Variants in DDX54 observed in about 807,000 individuals in gnomAD.
The protein encoded by DDX54 is DEAD-box helicase 54.
A neutral mutation model predicts 105.5 loss-of-function variants in DDX54; 67 were observed. That is an observed-to-expected ratio of 0.64 (90% CI 0.52 to 0.78). The LOEUF (loss-of-function observed/expected upper bound fraction) is 0.78, where lower values mean the gene tolerates loss of function less well. Among genes scored for constraint, DDX54 ranks in the 30% least tolerant of loss-of-function variants. The pLI, the probability that DDX54 is intolerant of heterozygous loss-of-function variation, is 0.00. For missense variants in DDX54, 1,206 were observed against 1,230.5 expected, an observed-to-expected ratio of 0.98 and a Z score of 0.30; for synonymous variants, 514 against 509.9, an observed-to-expected ratio of 1.01 and a Z score of -0.11.
intron 11 of DDX54, 44 bp from the exon 12 acceptor site, chr12:113,169,948 C>G (rs778468946): frequency 1.2e-6 from 2 of 1,607,560 alleles, no homozygotes; most frequent in Non-Finnish European, 1.7e-6. Flanking sequence ...AAAGAAGGAC[C>G]CGGACCCAGC....
chr12:113,166,166 C>A, intron 12 of DDX54, 134 bp from the exon 13 acceptor site: 1 of 851,596 alleles, frequency 1.2e-6, no homozygotes. Context: ...CTGCAAAGAA[C>A]ACCAGCACTC....
chr12:113,184,078 C>T (rs749159311), intron 1 of DDX54, among the ~76,000 whole-genome samples: 14 of 152,184 alleles, frequency 9.2e-5, no homozygotes, highest in Non-Finnish European at 1.9e-4. Context: ...TCCCGAGTAG[C>T]TGGGATTACA....
In DDX54 at chr12:113,159,000, G is replaced by C. The variant is rs371409328; in HGVS notation, c.2523C>G (p.Phe841Leu). ...KQRRRAQKLH[F>L]LQRGGLKQLS... ...GCTGCTTGAGGCCACCACGCTGCAG[G>C]AAGTGCAGCTTCTGGGCCCGGCGCC... Residue 841 changes from phenylalanine (F) to leucine (L), a missense_variant, in exon 20 of 20, where the codon TTC (phenylalanine) becomes TTG (leucine). Around this residue, in one of 3 missense-constraint regions of DDX54, gnomAD observed 961 missense variants for 1,019.1 expected, o/e 0.94. Transcript: ENST00000306014. The surrounding 1 kb of genome is among the most constrained non-coding windows in gnomAD (Gnocchi z 4.9). 4 of 1,611,716 alleles carry C rather than the reference G, an allele frequency of 2.5e-6. No individual in the cohort carries two copies. The highest frequency in any genetic ancestry group is 3.4e-6 in the Non-Finnish European group (4 of 1,179,370).
chr12:113,157,741 A>G lies in DDX54; in HGVS notation c.*1136T>C. 7.4e-7 allele frequency: 1 copy of G among 1,342,652 alleles called. No individual in the cohort carries two copies. Among genetic ancestry groups the G allele is most frequent in the Non-Finnish European group, 1.0e-6 (1 of 960,744 alleles). 83.2% of individuals were successfully genotyped at this position (1,342,652 alleles called of 1,614,324 possible). A position where few individuals can be genotyped will look rare whatever the true frequency, so the allele number is the denominator to read the frequency against. On this transcript the variant is annotated 3_prime_UTR_variant, in exon 20 of 20. Transcript: ENST00000306014. The stretch of plus-strand genomic sequence containing the variant: ...GAGAGACCCTGAGATAGGAGGGCCC[A>G]CATTTCCAATGGGGTGTGGACTGAG...
At chr12:113,176,177 CAG>C in intron 7 of DDX54, among the ~76,000 whole-genome samples, 1 of 152,334 alleles carries the variant, frequency 6.6e-6, no homozygotes, top group South Asian at 2.1e-4. Context: ...CCCAAATTCA[CAG>C]AGCTGAAGTC....
At position 113,163,640 on chromosome 12, in the gene DDX54, G is replaced by A. The variant is rs1191194906; in HGVS notation, c.1939-366C>T. On this transcript the variant is annotated intron_variant, in intron 15 of 19. Transcript: ENST00000306014. This position sits in a 1 kb window ranked among gnomAD's most constrained non-coding sequence, Gnocchi z 5.9. ...CTCTGAACAACATGGACTAGGCCAG[G>A]GGTCTCCAACTGGTCTTCTTGGCTA... is the stretch of plus-strand genomic sequence containing the variant. 6.6e-6 allele frequency among the ~76,000 whole-genome samples: 1 copy of A among 152,132 alleles called. No individual in the cohort carries two copies. Among genetic ancestry groups the A allele is most frequent in the African/African-American group, 2.4e-5 (1 of 41,424 alleles).
At chr12:113,179,753 G>A (rs1470746479) in intron 3 of DDX54, among the ~76,000 whole-genome samples, 182 bp downstream of exon 3, 4 of 152,232 alleles carry the variant, frequency 2.6e-5, no homozygotes, top group Admixed American at 2.6e-4. Context: ...AAGGCCCAGA[G>A]TCTCTGCTCG....
chr12:113,177,208 C>T (rs1372445289), intron 5 of DDX54, 115 bp from the exon 6 acceptor site: 1 of 1,287,208 alleles, frequency 7.8e-7, no homozygotes, highest in Non-Finnish European at 1.1e-6. Context: ...AGACCCAAGG[C>T]TTGGAACTGA....
Position 113,165,847 on chromosome 12 carries a change from C to T in DDX54, c.1600G>A (p.Ala534Thr). ...AGCCCCACAAGGTCCATCTCCTTGG[C>T]CCTCTTGATGGACTCAGGCGAGGGC... ...PAPSPESIKR[A>T]KEMDLVGLGL... The change falls in exon 13 of 20, where the codon GCC becomes ACC. Residue 534 changes from alanine (A) to threonine (T), a missense_variant. By Grantham distance (58) the Ala-to-Thr change is moderately conservative (BLOSUM62 0). Transcript: ENST00000306014. The T allele has an allele frequency of 6.2e-7, 1 of 1,612,048 alleles. No homozygotes were observed. The highest frequency in any genetic ancestry group is 8.5e-7 in the Non-Finnish European group (1 of 1,178,998).
intron 5 of DDX54, 75 bp from the exon 6 acceptor site, chr12:113,177,168 C>G: frequency 6.5e-7 from 1 of 1,544,044 alleles, no homozygotes; most frequent in Non-Finnish European, 8.9e-7. Flanking sequence ...AATGTCCAGG[C>G]AAGGCTGCAC....
Position 113,172,773 on chromosome 12 carries a change from T to A in DDX54, c.1069-210A>T, listed in dbSNP as rs2305904. On this transcript the variant is annotated intron_variant, in intron 10 of 19. Coordinates refer to ENST00000306014, the MANE Select transcript of DDX54 (RefSeq NM_024072.4). ...CAACACCTCCCACCTCTCTGCAGGG[T>A]TGTCTGAGGATCAGAGATGATGTGT... 0.029 allele frequency among the ~76,000 whole-genome samples: 4,340 copies of A among 152,210 alleles called. 122 individuals carry two copies. Among genetic ancestry groups the A allele is most frequent in the African/African-American group, 0.07 (2,923 of 41,522 alleles).
chr12:113,160,389 C>T lies in DDX54; in HGVS notation c.2413+881G>A, dbSNP rs560510143. 2.0e-5 allele frequency among the ~76,000 whole-genome samples: 3 copies of T among 152,304 alleles called. No individual in the cohort carries two copies. The South Asian group carries it at 6.2e-4, about 32-fold the overall frequency. On this transcript the variant is annotated intron_variant, in intron 19 of 19. Transcript: ENST00000306014. Reference sequence around the variant, plus strand: ...TGGGAGCCTTGGGCAGCTGGGTGACCCAGGTTCAGTCATAGCCCTCATAAG... The same window carrying T: ...TGGGAGCCTTGGGCAGCTGGGTGACTCAGGTTCAGTCATAGCCCTCATAAG...
Position 113,185,447 on chromosome 12 carries a change from G to T in DDX54, c.5C>A (p.Ala2Glu). M[A>E]ADKGPAAGPR... ...TCCAGCCGCCGGGCCCTTGTCGGCC[G>T]CCATTCGGGCCGCGCGCTGGGAACG... is the stretch of plus-strand genomic sequence containing the variant. Residue 2 changes from alanine (A) to glutamate (E), a missense_variant, in exon 1 of 20, where the codon GCG (alanine) becomes GAG (glutamate). Around this residue, in one of 3 missense-constraint regions of DDX54, gnomAD observed 212 missense variants for 155.4 expected, o/e 1.36. Coordinates refer to ENST00000306014, the MANE Select transcript of DDX54 (RefSeq NM_024072.4). 2 of 1,500,882 alleles carry T rather than the reference G, an allele frequency of 1.3e-6. No individual in the cohort carries two copies. The highest frequency in any genetic ancestry group is 1.8e-6 in the Non-Finnish European group (2 of 1,128,596). The allele number at this position is 1,500,882 out of a possible 1,614,324, so 93.0% of individuals were successfully genotyped here. A position where few individuals can be genotyped will look rare whatever the true frequency, so the allele number is the denominator to read the frequency against.
At position 113,166,711 on chromosome 12, in the gene DDX54, C is replaced by CAA. The variant is rs201136992; in HGVS notation, c.1415-681_1415-680dup. 2.1e-4 allele frequency among the ~76,000 whole-genome samples: 31 copies of CAA among 151,118 alleles called. No homozygotes were observed. In the South Asian group the frequency reaches 6.5e-3, roughly 32 times the overall value. On this transcript the variant is annotated intron_variant, in intron 12 of 19. Coordinates refer to ENST00000306014, the MANE Select transcript of DDX54 (RefSeq NM_024072.4). ...AACAAGACTTTGTCTCTCTTAAAAA[C>CAA]AAAAAAACAAAAACAAAAAACAAAC...
In DDX54 at chr12:113,172,410, C is replaced by T. The variant is rs533114649; in HGVS notation, c.1222G>A (p.Asp408Asn). The change falls in exon 11 of 20, where the codon GAC becomes AAC. Residue 408 changes from aspartate to asparagine, a missense_variant. Physicochemically the swap from Asp to Asn is conservative, Grantham distance 23. Coordinates refer to ENST00000306014, the MANE Select transcript of DDX54 (RefSeq NM_024072.4). The part of the protein sequence containing the change: ...AARGLDIPLL[D>N]NVINYSFPAK... ...GGGAAGCTGTAGTTGATGACATTGT[C>T]CAGCAGCGGGATGTCCAGGCCTCGG... is the stretch of plus-strand genomic sequence containing the variant. The T allele has an allele frequency of 2.5e-6, 4 of 1,614,234 alleles. No homozygotes were observed. In the African/African-American group the frequency reaches 4.0e-5, roughly 16 times the overall value.
chr12:113,162,798 G>A (rs1952224339), intron 17 of DDX54, 134 bp downstream of exon 17: 5 of 815,512 alleles, frequency 6.1e-6, no homozygotes, highest in Non-Finnish European at 9.3e-6. Context: ...GGCATGGAGG[G>A]GCGGCTCACT....
At chr12:113,184,508 C>T (rs1238484474) in intron 1 of DDX54, among the ~76,000 whole-genome samples, 1 of 152,224 alleles carries the variant, frequency 6.6e-6, no homozygotes, top group East Asian at 1.9e-4. Flanking sequence ...CAGCTCTTAG[C>T]ATGGAGCCTG....
intron 10 of DDX54, among the ~76,000 whole-genome samples, chr12:113,173,425 G>A (rs891443245): frequency 2.6e-5 from 4 of 152,194 alleles, no homozygotes; most frequent in Non-Finnish European, 4.4e-5. Context: ...TGCACAGAGG[G>A]AGTGTTGTTA....
intron 3 of DDX54, 37 bp from the exon 4 acceptor site, chr12:113,179,368 C>A: frequency 6.2e-7 from 1 of 1,600,452 alleles, no homozygotes; most frequent in Non-Finnish European, 8.5e-7. Flanking sequence ...AGGTCAGCTC[C>A]TCCCCAAACA....
Sources: allele counts gnomAD v4.1 joint callset (sites outside exome capture counted in the v4.1 genomes callset), GRCh38; gene constraint gnomAD v4.1.1; regional missense constraint gnomAD v4.1.1; non-coding constraint Gnocchi (gnomAD v3.1); transcripts MANE v1.5; gene names NCBI Gene and HGNC (gene_info 2026-07-23, HGNC 2026-07-21).